PTPA: variants seen among roughly 807,000 people sequenced by gnomAD.
The protein encoded by PTPA is protein phosphatase 2 phosphatase activator.
PTPA carries 13 observed loss-of-function variants against 43.6 expected under a neutral mutation model. The observed-to-expected ratio is 0.30, with a 90% CI of 0.19 to 0.47. PTPA has a LOEUF of 0.47. Among genes scored for constraint, PTPA ranks in the 20% least tolerant of loss-of-function variants. The probability of loss-of-function intolerance (pLI) is 0.99; values close to 1 mark genes in which losing one functional copy is unlikely to be tolerated. For missense variants in PTPA, 329 were observed against 411.9 expected, an observed-to-expected ratio of 0.80 and a Z score of 1.74; for synonymous variants, 172 against 158.2, an observed-to-expected ratio of 1.09 and a Z score of -0.66.
chr9:129,143,341 A>T lies in PTPA; in HGVS notation c.894+789A>T, dbSNP rs1851036748. 8 of 702,932 alleles carry T rather than the reference A, an allele frequency of 1.1e-5. No individual in the cohort carries two copies. In the East Asian group the frequency reaches 2.1e-4, roughly 19 times the overall value. 43.5% of individuals were successfully genotyped at this position (702,932 alleles called of 1,614,324 possible). ...GATGTGAAGTTCCACACCTGGAGTG[A>T]TGGGTCCTTAAAGTCCCTTCTTTCT... On this transcript the variant is annotated intron_variant, in intron 9 of 9. Coordinates refer to ENST00000393370, the MANE Select transcript of PTPA (RefSeq NM_178000.3).
chr9:129,142,795 C>G (rs1421110177), intron 9 of PTPA: 2 of 1,535,848 alleles, frequency 1.3e-6, no homozygotes, highest in East Asian at 4.9e-5. Flanking sequence ...TCCTGATGAG[C>G]TTGGAGGCTG....
Position 129,137,644 on chromosome 9 carries a change from G to A in PTPA, c.738G>A (p.Glu246=), listed in dbSNP as rs767777862. The A allele has an allele frequency of 6.2e-7, 1 of 1,613,056 alleles. No individual in the cohort carries two copies. The highest frequency in any genetic ancestry group is 1.1e-5 in the South Asian group (1 of 90,730). ...RHFVDEKAVN[E]NHKDYMFLEC... ...TTGTGGATGAGAAGGCCGTGAATGA[G>A]AACCACAAGGACTACATGTTCCTGG... The change falls in exon 8 of 10, where the codon GAG becomes GAA. Residue 246 remains glutamate (E), a synonymous_variant. Transcript: ENST00000393370.
At chr9:129,147,002 G>A (rs1219099951) in intron 9 of PTPA, among the ~76,000 whole-genome samples, 3 of 152,212 alleles carry the variant, frequency 2.0e-5, no homozygotes, top group Non-Finnish European at 4.4e-5. Context: ...CAGCCTCTTA[G>A]GCTTACGTTC....
At chr9:129,134,011 TC>T (rs1184443258) in intron 5 of PTPA, among the ~76,000 whole-genome samples, 1 of 152,188 alleles carries the variant, frequency 6.6e-6, no homozygotes, top group Non-Finnish European at 1.5e-5. Flanking sequence ...TACGTCAGGG[TC>T]CTTCTGTGAT....
chr9:129,131,684 T>G, intron 5 of PTPA, 45 bp downstream of exon 5: 1 of 1,579,966 alleles, frequency 6.3e-7, no homozygotes, highest in Non-Finnish European at 8.7e-7. Context: ...GCTTCACTGC[T>G]TTCTGTTTTG....
intron 1 of PTPA, among the ~76,000 whole-genome samples, chr9:129,112,645 G>C (rs1848610989): frequency 6.6e-6 from 1 of 152,138 alleles, no homozygotes; most frequent in African/African-American, 2.4e-5. Flanking sequence ...TGTGCCCTTA[G>C]AACAAGGATG....
chr9:129,128,016 C>A, intron 3 of PTPA: 1 of 1,347,808 alleles, frequency 7.4e-7, no homozygotes, highest in East Asian at 4.7e-5. Context: ...CAGAGTGTGT[C>A]CTGCGATGAA....
chr9:129,147,550 C>A lies in PTPA; in HGVS notation c.*86C>A. 1 of 1,378,748 alleles carries A rather than the reference C, an allele frequency of 7.3e-7. No homozygotes were observed. Among genetic ancestry groups the A allele is most frequent in the East Asian group, 2.4e-5 (1 of 42,386 alleles). The allele number at this position is 1,378,748 out of a possible 1,614,324, so 85.4% of individuals were successfully genotyped here. A position where few individuals can be genotyped will look rare whatever the true frequency, so the allele number is the denominator to read the frequency against. On this transcript the variant is annotated 3_prime_UTR_variant, in exon 10 of 10. Coordinates refer to ENST00000393370, the MANE Select transcript of PTPA (RefSeq NM_178000.3). ...GCAGTGGCCCCTCCCCATCCCCTCCCTCTGTTCGTCCCGTTTGATGAGAGG... is the reference window on the plus strand; with the variant it reads ...GCAGTGGCCCCTCCCCATCCCCTCCATCTGTTCGTCCCGTTTGATGAGAGG...
intron 5 of PTPA, among the ~76,000 whole-genome samples, chr9:129,134,115 A>G (rs1850182276): frequency 6.6e-6 from 1 of 152,126 alleles, no homozygotes; most frequent in Admixed American, 6.5e-5. Context: ...GATAGATCAT[A>G]AACTTTCTGA....
Position 129,147,413 on chromosome 9 carries a change from G to A in PTPA, c.921G>A (p.Gln307=), listed in dbSNP as rs772536476. The A allele has an allele frequency of 6.2e-6, 10 of 1,613,908 alleles. No individual in the cohort carries two copies. The highest frequency in any genetic ancestry group is 8.5e-6 in the Non-Finnish European group (10 of 1,179,980). Residue 307 remains glutamine (Q), a synonymous_variant, in exon 10 of 10, where the codon CAG becomes CAA. Transcript: ENST00000393370. The part of the protein sequence containing the change: ...AECLEKFPVI[Q]HFKFGSLLPI... ...GCCTGGAGAAGTTCCCTGTGATCCA[G>A]CACTTCAAGTTCGGGAGCCTGCTGC...
intron 9 of PTPA, among the ~76,000 whole-genome samples, chr9:129,143,907 T>C (rs1851094950): frequency 2.0e-5 from 3 of 151,798 alleles, no homozygotes; most frequent in Admixed American, 2.0e-4. Flanking sequence ...CTCACTCTGC[T>C]GTGCCCCGCC....
At chr9:129,127,849 A>G in intron 3 of PTPA, 1 of 629,154 alleles carries the variant, frequency 1.6e-6, no homozygotes, top group East Asian at 6.9e-5. Context: ...GTAGTGAAAC[A>G]GGTGGAAATA....
intron 1 of PTPA, among the ~76,000 whole-genome samples, chr9:129,120,244 C>T (rs536174218): frequency 7.7e-5 from 11 of 142,760 alleles, no homozygotes; most frequent in South Asian, 2.4e-4. Flanking sequence ...GGCGACAGAG[C>T]GAGACTCTGT....
At chr9:129,139,554 G>T (rs1480335865) in intron 8 of PTPA, 2 of 152,222 alleles carry the variant, frequency 1.3e-5, no homozygotes. Flanking sequence ...ATCTTGCCAC[G>T]TGGCCGCTGG....
At chr9:129,114,069 C>T (rs2131533158) in intron 1 of PTPA, among the ~76,000 whole-genome samples, 1 of 152,200 alleles carries the variant, frequency 6.6e-6, no homozygotes, top group East Asian at 1.9e-4. Flanking sequence ...CACTTTGTCT[C>T]CCAGGCCAGG....
intron 1 of PTPA, among the ~76,000 whole-genome samples, chr9:129,116,645 A>G (rs1180737543): frequency 6.6e-6 from 1 of 152,082 alleles, no homozygotes; most frequent in Non-Finnish European, 1.5e-5. Flanking sequence ...TCGGCCTCCC[A>G]AAGTGCTGGG....
intron 8 of PTPA, chr9:129,137,949 G>T: frequency 2.1e-6 from 1 of 482,344 alleles, no homozygotes; most frequent in Non-Finnish European, 3.9e-6. Flanking sequence ...CTAAGACTTG[G>T]TCACTAACTG....
At chr9:129,140,287 G>A (rs1850690402) in intron 8 of PTPA, 1 of 152,418 alleles carries the variant, frequency 6.6e-6, no homozygotes, top group Admixed American at 6.5e-5. Context: ...TTTTTTCTTT[G>A]TCTTCCAGCC....
rs993999880 is a variant in PTPA at position 129,131,379 on chromosome 9, T to C, written c.343-143T>C. 5 of 668,318 alleles carry C rather than the reference T, an allele frequency of 7.5e-6. No homozygotes were observed. In the African/African-American group the frequency reaches 9.0e-5, roughly 12 times the overall value. The allele number at this position is 668,318 out of a possible 1,614,324, so 41.4% of individuals were successfully genotyped here. On this transcript the variant is annotated intron_variant, in intron 4 of 9. Coordinates refer to ENST00000393370, the MANE Select transcript of PTPA (RefSeq NM_178000.3). ...GGAAGAATAAATGCTGTCCCTCCCCTTCCTTCTGTGGCCTGTCAGAACAGG... is the reference window on the plus strand; with the variant it reads ...GGAAGAATAAATGCTGTCCCTCCCCCTCCTTCTGTGGCCTGTCAGAACAGG...
Sources: gnomAD v4.1 joint callset for allele counts (sites outside exome capture counted in the v4.1 genomes callset) on GRCh38, gnomAD v4.1.1 for gene constraint, MANE v1.5 for transcripts, NCBI Gene and HGNC (gene_info 2026-07-23, HGNC 2026-07-21) for gene names.